The following PCED1B variants were observed in gnomAD, a reference collection of about 807,000 sequenced individuals.
The protein encoded by PCED1B is PC-esterase domain-containing protein 1B.
For synonymous variants in PCED1B, 251 were observed against 246.1 expected (o/e 1.02, Z -0.19); for missense variants, 573 against 573.9 (o/e 1.00, Z 0.02).
chr12:47,138,462 CT>C (rs1250551185), intron 2 of PCED1B: 2 of 152,200 alleles, frequency 1.3e-5, no homozygotes, highest in Non-Finnish European at 2.9e-5. Flanking sequence ...TGATTTTGGT[CT>C]TGCCTTATGC....
chr12:47,097,850 C>T (rs987900222), intron 1 of PCED1B, among the ~76,000 whole-genome samples: 1 of 152,140 alleles, frequency 6.6e-6, no homozygotes, highest in Non-Finnish European at 1.5e-5. Flanking sequence ...CTGTGATGGC[C>T]GTGCCACCAT....
intron 2 of PCED1B, among the ~76,000 whole-genome samples, chr12:47,171,516 A>G (rs1428344376): frequency 6.6e-6 from 1 of 152,120 alleles, no homozygotes; most frequent in Non-Finnish European, 1.5e-5. Context: ...ACCTATTTGC[A>G]TCTAACTTTA....
chr12:47,083,733 C>G (rs1329613836), intron 1 of PCED1B, among the ~76,000 whole-genome samples: 2 of 152,108 alleles, frequency 1.3e-5, no homozygotes, highest in Non-Finnish European at 2.9e-5. Flanking sequence ...GCATGTTTCT[C>G]TGGACGCTCC....
chr12:47,222,513 A>C (rs771787974), intron 3 of PCED1B, among the ~76,000 whole-genome samples: 2 of 151,538 alleles, frequency 1.3e-5, no homozygotes, highest in Admixed American at 6.6e-5. Flanking sequence ...CTCCAACCCC[A>C]GATAACTTTA....
At chr12:47,233,886 ATTATTTCCAGTT>A (rs1343609847) in intron 3 of PCED1B, among the ~76,000 whole-genome samples, 1 of 152,146 alleles carries the variant, frequency 6.6e-6, no homozygotes. Context: ...ATGTATTCAA[ATTATTTCCAGTT>A]TTATCTTGAT....
At chr12:47,233,156 C>T (rs1278622698) in intron 3 of PCED1B, among the ~76,000 whole-genome samples, 1 of 152,168 alleles carries the variant, frequency 6.6e-6, no homozygotes, top group Non-Finnish European at 1.5e-5. Flanking sequence ...TCCCTTCCAC[C>T]TTGGCCTTCC....
Position 47,151,134 on chromosome 12 carries a change from T to TACACAC in PCED1B, c.-526+46940_-526+46941insCACACA, listed in dbSNP as rs144820371. 1.5e-4 allele frequency among the ~76,000 whole-genome samples: 22 copies of TACACAC among 150,262 alleles called. 1 individual carries two copies. In the Middle Eastern group the frequency reaches 0.022, roughly 148 times the overall value. Reference sequence around the variant, plus strand: ...ATATATATATACTCTATATATAATATATACACACACACACACATACACATA... The same window carrying TACACAC: ...ATATATATATACTCTATATATAATATACACACATACACACACACACACATACACATA... On this transcript the variant is annotated intron_variant, in intron 2 of 3. Transcript: ENST00000546455.
intron 2 of PCED1B, among the ~76,000 whole-genome samples, chr12:47,109,080 G>T (rs1939080717): frequency 6.6e-6 from 1 of 152,114 alleles, no homozygotes; most frequent in South Asian, 2.1e-4. Context: ...AATTATTCTA[G>T]GTTGAATGAA....
At chr12:47,101,623 A>C (rs561922603) in intron 1 of PCED1B, among the ~76,000 whole-genome samples, 2 of 152,274 alleles carry the variant, frequency 1.3e-5, no homozygotes, top group East Asian at 3.9e-4. Flanking sequence ...GAAAACTATA[A>C]TATGGATCAC....
At chr12:47,144,045 A>G (rs540688371) in intron 2 of PCED1B, among the ~76,000 whole-genome samples, 90 of 152,106 alleles carry the variant, frequency 5.9e-4, no homozygotes, top group Non-Finnish European at 7.5e-4. Flanking sequence ...TGTTTATGAC[A>G]TCCTTTGAAA....
intron 1 of PCED1B, among the ~76,000 whole-genome samples, chr12:47,088,797 T>C (rs552854255): frequency 4.1e-4 from 63 of 152,312 alleles, no homozygotes; most frequent in African/African-American, 1.5e-3. Flanking sequence ...AGCCAGATGA[T>C]AGAAAACATG....
chr12:47,175,898 T>A (rs1245627543), intron 2 of PCED1B, among the ~76,000 whole-genome samples: 1 of 143,248 alleles, frequency 7.0e-6, no homozygotes, highest in Non-Finnish European at 1.5e-5. Context: ...ATTTTATTTC[T>A]TTTTTTTTTT....
chr12:47,094,276 T>G (rs1195597398), intron 1 of PCED1B, among the ~76,000 whole-genome samples: 1 of 152,190 alleles, frequency 6.6e-6, no homozygotes, highest in Non-Finnish European at 1.5e-5. Context: ...GGCAGGTTTG[T>G]GTTTGCATGG....
At chr12:47,231,892 G>T (rs1943819065) in intron 3 of PCED1B, among the ~76,000 whole-genome samples, 1 of 152,140 alleles carries the variant, frequency 6.6e-6, no homozygotes, top group African/African-American at 2.4e-5. Context: ...ATAGGAAAGG[G>T]TTTCCGTCTT....
At chr12:47,184,496 C>T (rs959273780) in intron 2 of PCED1B, among the ~76,000 whole-genome samples, 3 of 152,048 alleles carry the variant, frequency 2.0e-5, no homozygotes, top group African/African-American at 7.3e-5. Flanking sequence ...TGGTTCTAGC[C>T]CTTCAAAGCA....
At chr12:47,104,440 T>C (rs566512123) in intron 2 of PCED1B, among the ~76,000 whole-genome samples, 5 of 152,306 alleles carry the variant, frequency 3.3e-5, no homozygotes, top group South Asian at 4.1e-4. Flanking sequence ...TGAGTGACAA[T>C]ACTTACAACA....
At chr12:47,092,207 A>G (rs1938297532) in intron 1 of PCED1B, among the ~76,000 whole-genome samples, 1 of 151,806 alleles carries the variant, frequency 6.6e-6, no homozygotes, top group African/African-American at 2.4e-5. Context: ...CTCTCCTTTA[A>G]TTTTTCTCAA....
At chr12:47,215,920 G>A (rs918716239) in intron 2 of PCED1B, among the ~76,000 whole-genome samples, 1 of 152,024 alleles carries the variant, frequency 6.6e-6, no homozygotes, top group Non-Finnish European at 1.5e-5. Flanking sequence ...CGGGTGTGGT[G>A]GTGGGTGCAT....
intron 2 of PCED1B, among the ~76,000 whole-genome samples, chr12:47,147,074 C>T (rs535231619): frequency 7.1e-6 from 1 of 140,800 alleles, no homozygotes; most frequent in African/African-American, 2.6e-5. Context: ...AATCTCGGCT[C>T]ACTGCAATTT....
Sources: gnomAD v4.1 joint callset for allele counts (sites outside exome capture counted in the v4.1 genomes callset) on GRCh38, gnomAD v4.1.1 for gene constraint, MANE v1.5 for transcripts, NCBI Gene and HGNC (gene_info 2026-07-23, HGNC 2026-07-21) for gene names.